Variants in MFGE8 observed in about 807,000 individuals in gnomAD.
The protein encoded by MFGE8 is lactadherin.
In MFGE8, 34 loss-of-function variants were observed where a neutral mutation model predicts 42.6. That is an observed-to-expected ratio of 0.80 (90% confidence interval 0.61 to 1.06). The LOEUF (loss-of-function observed/expected upper bound fraction) is 1.06, where lower values mean the gene tolerates loss of function less well. MFGE8 is among the 50% of genes least tolerant of loss of function. The pLI, the probability that MFGE8 is intolerant of heterozygous loss-of-function variation, is 0.00. For synonymous variants in MFGE8, 230 were observed against 214.8 expected (o/e 1.07, Z -0.62); for missense variants, 510 against 516.9 (o/e 0.99, Z 0.13).
Position 88,913,299 on chromosome 15 carries a change from C to T in MFGE8, c.21G>A (p.Leu7=). The change falls in exon 1 of 8, where the codon CTG becomes CTA. Residue 7 remains leucine (L), a synonymous_variant. Transcript: ENST00000268150. The part of the protein sequence containing the change: MPRPRL[L]AALCGALLCA... ...AGAGCAGCGCGCCGCACAGCGCGGC[C>T]AGCAGGCGGGGGCGCGGCATGCTGC... The T allele has an allele frequency of 1.4e-6, 2 of 1,472,706 alleles. No homozygotes were observed. Among genetic ancestry groups the T allele is most frequent in the Non-Finnish European group, 1.8e-6 (2 of 1,121,412 alleles). 91.2% of individuals were successfully genotyped at this position (1,472,706 alleles called of 1,614,324 possible).
In MFGE8 at chr15:88,913,291, A is replaced by G; in HGVS notation, c.29T>C (p.Leu10Pro). The G allele has an allele frequency of 6.8e-7, 1 of 1,476,750 alleles. No homozygotes were observed. Among genetic ancestry groups the G allele is most frequent in the Non-Finnish European group, 8.9e-7 (1 of 1,123,264 alleles). 91.5% of individuals were successfully genotyped at this position (1,476,750 alleles called of 1,614,324 possible). A position where few individuals can be genotyped will look rare whatever the true frequency, so the allele number is the denominator to read the frequency against. Residue 10 changes from leucine to proline, a missense_variant, in exon 1 of 8, where the codon CTG becomes CCG. By Grantham distance (98) the Leu-to-Pro change is moderately conservative (BLOSUM62 -3). Coordinates refer to ENST00000268150, the MANE Select transcript of MFGE8 (RefSeq NM_005928.4). Reference sequence around the variant, plus strand: ...GGGGGCGCAGAGCAGCGCGCCGCACAGCGCGGCCAGCAGGCGGGGGCGCGG... The same window carrying G: ...GGGGGCGCAGAGCAGCGCGCCGCACGGCGCGGCCAGCAGGCGGGGGCGCGG... MPRPRLLAA[L>P]CGALLCAPSL... is the part of the protein sequence containing the mutation.
intron 2 of MFGE8, among the ~76,000 whole-genome samples, chr15:88,908,492 C>T (rs527815291): frequency 6.6e-5 from 10 of 152,306 alleles, no homozygotes; most frequent in East Asian, 5.8e-4. Context: ...AAACATACCA[C>T]GTAAAAGGCA....
At position 88,907,095 on chromosome 15, in the gene MFGE8, G is replaced by A. The variant is rs1224448244; in HGVS notation, c.387+100C>T. The A allele has an allele frequency of 2.1e-6, 3 of 1,438,158 alleles. 1 individual carries two copies. The highest frequency in any genetic ancestry group is 2.5e-5 in the South Asian group (2 of 81,332). 89.1% of individuals were successfully genotyped at this position (1,438,158 alleles called of 1,614,324 possible). ...ATGGGAACCTGTTACCTTGCCACCT[G>A]AACCCCAGTGATGAACCCTCCTGGG... On this transcript the variant is annotated intron_variant, in intron 3 of 7. Coordinates refer to ENST00000268150, the MANE Select transcript of MFGE8 (RefSeq NM_005928.4).
intron 1 of MFGE8, among the ~76,000 whole-genome samples, chr15:88,911,666 G>A (rs1270942740): frequency 2.6e-5 from 4 of 151,962 alleles, no homozygotes; most frequent in African/African-American, 9.7e-5. Context: ...GGCGAAGCTT[G>A]TAGTGAGCCA....
intron 2 of MFGE8, among the ~76,000 whole-genome samples, chr15:88,909,224 CCCT>C (rs1222832443): frequency 6.6e-6 from 1 of 152,198 alleles, no homozygotes; most frequent in Non-Finnish European, 1.5e-5. Flanking sequence ...CGCGGACAGC[CCCT>C]CTGGGCATGC....
In MFGE8 at chr15:88,913,264, C is replaced by A; in HGVS notation, c.56G>T (p.Ser19Ile). The change falls in exon 1 of 8, where the codon AGC becomes ATC. Residue 19 changes from serine to isoleucine, a missense_variant. Transcript: ENST00000268150. Reference protein sequence around the residue: ...ALCGALLCAPSLLVALDICSK... With the variant: ...ALCGALLCAPILLVALDICSK... ...CCACTCACCCAGGGCGACGAGGAGGCTGGGGGCGCAGAGCAGCGCGCCGCA... is the reference window on the plus strand; with the variant it reads ...CCACTCACCCAGGGCGACGAGGAGGATGGGGGCGCAGAGCAGCGCGCCGCA... 6.6e-7 allele frequency: 1 copy of A among 1,505,242 alleles called. No individual in the cohort carries two copies. Among genetic ancestry groups the A allele is most frequent in the South Asian group, 1.2e-5 (1 of 80,798 alleles). The allele number at this position is 1,505,242 out of a possible 1,614,324, so 93.2% of individuals were successfully genotyped here.
At chr15:88,911,878 C>G (rs1898974373) in intron 1 of MFGE8, among the ~76,000 whole-genome samples, 1 of 152,204 alleles carries the variant, frequency 6.6e-6, no homozygotes, top group Non-Finnish European at 1.5e-5. Flanking sequence ...CCTCAGAGCT[C>G]CCCCTCCAGG....
rs1433515812 is a variant in MFGE8, at chr15:88,913,074, GC to G, written c.73+172del. On this transcript the variant is annotated intron_variant, in intron 1 of 7. Coordinates refer to ENST00000268150, the MANE Select transcript of MFGE8 (RefSeq NM_005928.4). ...GCCCCAGCGCAGAGACAGCAGGGCC[GC>G]ATCCCCCTGTCCCGCCAGGGCGCAG... 49 of 985,266 alleles carry G rather than the reference GC, an allele frequency of 5.0e-5. No homozygotes were observed. In the African/African-American group the frequency reaches 8.4e-4, roughly 17 times the overall value. 61.0% of individuals were successfully genotyped at this position (985,266 alleles called of 1,614,324 possible).
intron 3 of MFGE8, 77 bp downstream of exon 3, chr15:88,907,118 G>C: frequency 6.5e-7 from 1 of 1,533,138 alleles, no homozygotes; most frequent in South Asian, 1.2e-5. Flanking sequence ...GAACCCTCCT[G>C]GGGTAACCCC....
Position 88,901,304 on chromosome 15 carries a change from C to T in MFGE8, c.870+247G>A, listed in dbSNP as rs201041218. 1.6e-4 allele frequency among the ~76,000 whole-genome samples: 14 copies of T among 85,946 alleles called. No individual in the cohort carries two copies. Among genetic ancestry groups the T allele is most frequent in the South Asian group, 7.5e-4 (2 of 2,658 alleles). The allele number at this position is 85,946 out of a possible 152,430, so 56.4% of individuals were successfully genotyped here. On this transcript the variant is annotated intron_variant, in intron 6 of 7. Transcript: ENST00000268150. Reference sequence around the variant, plus strand: ...ACTCACATTCACACACATTCACACACTCACACACACACATTCACACACACA... The same window carrying T: ...ACTCACATTCACACACATTCACACATTCACACACACACATTCACACACACA...
chr15:88,912,861 C>T, intron 1 of MFGE8: 1 of 985,454 alleles, frequency 1.0e-6, no homozygotes, highest in African/African-American at 1.7e-5. Context: ...CCAGACAAGA[C>T]TTATCCATAC....
In MFGE8 at chr15:88,911,251, C is replaced by T. The variant is rs556269399; in HGVS notation, c.74-1328G>A. On this transcript the variant is annotated intron_variant, in intron 1 of 7. Transcript: ENST00000268150. ...GATGGGAACCTGGATGACAGATGTA[C>T]ACTATCAGCCCCGGTGGTGGAGAAC... Among the ~76,000 whole-genome samples the T allele has an allele frequency of 1.8e-4, 28 of 152,248 alleles. No homozygotes were observed. In the South Asian group the frequency reaches 5.2e-3, roughly 28 times the overall value.
intron 6 of MFGE8, among the ~76,000 whole-genome samples, chr15:88,901,311 A>ACACTCACACG (rs1898413010): frequency 7.7e-6 from 1 of 130,102 alleles, no homozygotes; most frequent in Non-Finnish European, 1.7e-5. Context: ...ACACTCACAC[A>ACACTCACACG]CACACATTCA....
rs992320460 is a variant in MFGE8 at position 88,912,375 on chromosome 15, C to T, written c.73+872G>A. ...TTGGAGCACTCTGGAAGCTCTAGCC[C>T]CGAGGGTCAGGCAGATCACAGGACA... On this transcript the variant is annotated intron_variant, in intron 1 of 7. Coordinates refer to ENST00000268150, the MANE Select transcript of MFGE8 (RefSeq NM_005928.4). The T allele has an allele frequency of 6.1e-6, 6 of 985,042 alleles. No homozygotes were observed. In the African/African-American group the frequency reaches 8.7e-5, roughly 14 times the overall value. The allele number at this position is 985,042 out of a possible 1,614,324, so 61.0% of individuals were successfully genotyped here. A position where few individuals can be genotyped will look rare whatever the true frequency, so the allele number is the denominator to read the frequency against.
Position 88,912,799 on chromosome 15 carries a change from T to C in MFGE8, c.73+448A>G, listed in dbSNP as rs576246665. Reference sequence around the variant, plus strand: ...GACAATTGGGAGCGCAAAAATCCAATGAACTGTCCAGCCAACTGGAGTTGG... The same window carrying C: ...GACAATTGGGAGCGCAAAAATCCAACGAACTGTCCAGCCAACTGGAGTTGG... On this transcript the variant is annotated intron_variant, in intron 1 of 7. Transcript: ENST00000268150. The C allele has an allele frequency of 1.2e-4, 118 of 985,370 alleles. 3 individuals are homozygous for C. The South Asian group carries it at 4.2e-3, about 35-fold the overall frequency. 61.0% of individuals were successfully genotyped at this position (985,370 alleles called of 1,614,324 possible). A position where few individuals can be genotyped will look rare whatever the true frequency, so the allele number is the denominator to read the frequency against.
intron 1 of MFGE8, chr15:88,912,700 C>A: frequency 1.0e-6 from 1 of 985,394 alleles, no homozygotes; most frequent in Non-Finnish European, 1.2e-6. Context: ...CCTCTGGGTC[C>A]CCTCCCGGGC....
At chr15:88,907,424 G>C in intron 2 of MFGE8, 48 bp from the exon 3 acceptor site, 3 of 1,555,266 alleles carry the variant, frequency 1.9e-6, no homozygotes, top group Middle Eastern at 1.7e-4. Flanking sequence ...GCAGGTTCCC[G>C]GGCCCAGCTG....
chr15:88,901,512 A>ACCCCCCCC, intron 6 of MFGE8, 39 bp downstream of exon 6: 16 of 666,984 alleles, frequency 2.4e-5, no homozygotes, highest in East Asian at 1.1e-4. Flanking sequence ...ACCTCATCCC[A>ACCCCCCCC]CCCAACCCCA....
chr15:88,912,040 G>A lies in MFGE8; in HGVS notation c.73+1207C>T, dbSNP rs918129260. ...GGACTCTTCCCTCCCAACTGCACCG[G>A]CCCTCTCCCTACACTGCTCCAGGGC... On this transcript the variant is annotated intron_variant, in intron 1 of 7. Coordinates refer to ENST00000268150, the MANE Select transcript of MFGE8 (RefSeq NM_005928.4). 9 of 1,089,618 alleles carry A rather than the reference G, an allele frequency of 8.3e-6. No homozygotes were observed. In the African/African-American group the frequency reaches 1.5e-4, roughly 18 times the overall value. 67.5% of individuals were successfully genotyped at this position (1,089,618 alleles called of 1,614,324 possible). A position where few individuals can be genotyped will look rare whatever the true frequency, so the allele number is the denominator to read the frequency against.
Sources: gnomAD v4.1 joint callset for allele counts (sites outside exome capture counted in the v4.1 genomes callset) on GRCh38, gnomAD v4.1.1 for gene constraint, MANE v1.5 for transcripts, NCBI Gene and HGNC (gene_info 2026-07-23, HGNC 2026-07-21) for gene names.